The following GREB1L variants were observed in gnomAD, a reference collection of about 807,000 sequenced individuals.
The protein encoded by GREB1L is GREB1-like protein.
Under a neutral mutation model 200.8 loss-of-function variants are expected in GREB1L, and 17 were observed. The ratio of observed to expected loss-of-function variants is 0.08; its 90% CI spans 0.06 to 0.13. The LOEUF (loss-of-function observed/expected upper bound fraction) is 0.13, where lower values mean the gene tolerates loss of function less well. GREB1L is among the 10% of genes least tolerant of loss of function. The probability of loss-of-function intolerance (pLI) is 1.00; values close to 1 mark genes in which losing one functional copy is unlikely to be tolerated. For synonymous variants in GREB1L, 789 were observed against 893.0 expected (o/e 0.88, Z 2.08); for missense variants, 1,657 against 2,367.7 (o/e 0.70, Z 6.23).
At chr18:21,522,570 T>A in intron 32 of GREB1L, 88 bp from the exon 33 acceptor site, 1 of 1,021,622 alleles carries the variant, frequency 9.8e-7, no homozygotes, top group Non-Finnish European at 1.4e-6. Context: ...TTCTCAGATG[T>A]GTTAGCTTAG....
At chr18:21,475,431 C>T (rs949042927) in intron 16 of GREB1L, among the ~76,000 whole-genome samples, 1 of 152,160 alleles carries the variant, frequency 6.6e-6, no homozygotes, top group African/African-American at 2.4e-5. Flanking sequence ...GCGATCTCGG[C>T]TCACTGCAAC....
chr18:21,366,302 C>G, intron 2 of GREB1L, among the ~76,000 whole-genome samples, 166 bp downstream of exon 2: 1 of 152,216 alleles, frequency 6.6e-6, no homozygotes, highest in South Asian at 2.1e-4. Flanking sequence ...TCCCCCATCC[C>G]CTTACCCCAT....
chr18:21,472,230 A>G (rs997799652), intron 15 of GREB1L, among the ~76,000 whole-genome samples: 1 of 152,250 alleles, frequency 6.6e-6, no homozygotes, highest in Non-Finnish European at 1.5e-5. Context: ...AAGAAAAGAC[A>G]GATAAAATTA....
At chr18:21,305,494 G>C (rs1400344611) in intron 1 of GREB1L, among the ~76,000 whole-genome samples, 1 of 151,802 alleles carries the variant, frequency 6.6e-6, no homozygotes, top group Non-Finnish European at 1.5e-5. Context: ...CATTCAATCT[G>C]CTAGTAAGCC....
chr18:21,245,028 G>C (rs2143823871), intron 1 of GREB1L, among the ~76,000 whole-genome samples: 1 of 152,184 alleles, frequency 6.6e-6, no homozygotes, highest in Non-Finnish European at 1.5e-5. Flanking sequence ...ATTCACCTAG[G>C]GAGTATGTTC....
At chr18:21,349,674 C>G (rs1168399329) in intron 1 of GREB1L, among the ~76,000 whole-genome samples, 2 of 151,892 alleles carry the variant, frequency 1.3e-5, no homozygotes, top group Non-Finnish European at 2.9e-5. Flanking sequence ...GGATCTAGGT[C>G]GCATGCTCCT....
At chr18:21,517,082 C>T (rs1165779113) in intron 30 of GREB1L, among the ~76,000 whole-genome samples, 2 of 152,032 alleles carry the variant, frequency 1.3e-5, no homozygotes, top group African/African-American at 2.4e-5. Context: ...CCATGTTGGC[C>T]AGGCTGGTCT....
At chr18:21,461,378 T>A (rs576705568) in intron 15 of GREB1L, among the ~76,000 whole-genome samples, 4 of 152,196 alleles carry the variant, frequency 2.6e-5, no homozygotes, top group Admixed American at 1.3e-4. Flanking sequence ...AAACAAGACT[T>A]TGTTAATCCC....
chr18:21,437,302 A>G (rs752175400), intron 7 of GREB1L, among the ~76,000 whole-genome samples: 46 of 152,188 alleles, frequency 3.0e-4, no homozygotes, highest in Non-Finnish European at 5.9e-4. Flanking sequence ...AGGTCCAACA[A>G]TTCTTGCAGG....
chr18:21,464,542 C>CAA (rs11477392), intron 15 of GREB1L, among the ~76,000 whole-genome samples: 16 of 66,342 alleles, frequency 2.4e-4, no homozygotes, highest in Non-Finnish European at 3.8e-4. Context: ...GACACCATCT[C>CAA]AAAAAAAAAA....
At chr18:21,270,529 G>GTTC (rs1455980013) in intron 1 of GREB1L, among the ~76,000 whole-genome samples, 2 of 152,172 alleles carry the variant, frequency 1.3e-5, no homozygotes, top group Non-Finnish European at 2.9e-5. Flanking sequence ...GGGTGTAAGA[G>GTTC]TTCATAGGGA....
intron 7 of GREB1L, among the ~76,000 whole-genome samples, chr18:21,426,977 A>AC (rs1341247453): frequency 1.3e-5 from 1 of 79,254 alleles, no homozygotes; most frequent in Non-Finnish European, 2.1e-5. Flanking sequence ...AAAAAACAAA[A>AC]AAAAAAAAAA....
chr18:21,519,621 TAAC>T (rs1465596068), intron 31 of GREB1L, among the ~76,000 whole-genome samples: 2 of 152,224 alleles, frequency 1.3e-5, no homozygotes, highest in Non-Finnish European at 2.9e-5. Context: ...TCTCAATACT[TAAC>T]AACAGCTAAC....
chr18:21,378,882 C>CGG (rs1339184579), intron 2 of GREB1L, among the ~76,000 whole-genome samples: 1 of 145,444 alleles, frequency 6.9e-6, no homozygotes, highest in Non-Finnish European at 1.5e-5. Context: ...TTTTTTTTTT[C>CGG]GGGGGGGGAC....
chr18:21,412,576 T>C (rs1407929474), intron 7 of GREB1L, among the ~76,000 whole-genome samples: 1 of 152,156 alleles, frequency 6.6e-6, no homozygotes, highest in African/African-American at 2.4e-5. Flanking sequence ...TTCTATTACA[T>C]TAAAGAAAGG....
At chr18:21,452,670 G>A (rs1382571692) in intron 14 of GREB1L, among the ~76,000 whole-genome samples, 1 of 152,126 alleles carries the variant, frequency 6.6e-6, no homozygotes, top group South Asian at 2.1e-4. Context: ...ATAGAGCAGC[G>A]CTACCAACAT....
chr18:21,414,373 C>T (rs1169367121), intron 7 of GREB1L, among the ~76,000 whole-genome samples: 1 of 152,026 alleles, frequency 6.6e-6, no homozygotes, highest in African/African-American at 2.4e-5. Context: ...AGAAGTAAGA[C>T]TTCAGCATGT....
At chr18:21,484,445 C>A (rs2036048729) in intron 17 of GREB1L, among the ~76,000 whole-genome samples, 1 of 152,120 alleles carries the variant, frequency 6.6e-6, no homozygotes. Flanking sequence ...CAGCCTTTAT[C>A]TTATTACATT....
chr18:21,397,308 T>G (rs2051343651), intron 5 of GREB1L, among the ~76,000 whole-genome samples: 2 of 151,180 alleles, frequency 1.3e-5, no homozygotes, highest in South Asian at 2.1e-4. Context: ...CTGGCTAACA[T>G]GGTGAAACCC....
Sources: gnomAD v4.1 joint callset for allele counts (sites outside exome capture counted in the v4.1 genomes callset) on GRCh38, gnomAD v4.1.1 for gene constraint, MANE v1.5 for transcripts, NCBI Gene and HGNC (gene_info 2026-07-23, HGNC 2026-07-21) for gene names.